The following ASTN1 variants were observed in gnomAD, a reference collection of about 807,000 sequenced individuals.
ASTN1 encodes the protein astrotactin-1.
In ASTN1, 41 loss-of-function variants were observed where a neutral mutation model predicts 140.7. The ratio of observed to expected loss-of-function variants is 0.29; its 90% CI spans 0.23 to 0.38. The LOEUF (loss-of-function observed/expected upper bound fraction) is 0.38, where lower values mean the gene tolerates loss of function less well. Ranked by LOEUF, ASTN1 falls within the 10% of genes least tolerant of loss-of-function variation. The probability of loss-of-function intolerance (pLI) is 1.00; values close to 1 mark genes in which losing one functional copy is unlikely to be tolerated. For synonymous variants in ASTN1, 640 were observed against 652.2 expected (o/e 0.98, Z 0.29); for missense variants, 1,479 against 1,678.8 (o/e 0.88, Z 2.08).
chr1:177,006,416 A>C (rs1674999974), intron 8 of ASTN1, among the ~76,000 whole-genome samples: 1 of 151,666 alleles, frequency 6.6e-6, no homozygotes, highest in Admixed American at 6.6e-5. Context: ...AAAAAAAAAA[A>C]GATAAATAGC....
chr1:176,963,437 G>A (rs535410545), intron 9 of ASTN1, among the ~76,000 whole-genome samples: 1 of 152,158 alleles, frequency 6.6e-6, no homozygotes, highest in South Asian at 2.1e-4. Context: ...TTTCATTTGA[G>A]AGGCTAGTTA....
intron 1 of ASTN1, among the ~76,000 whole-genome samples, chr1:177,085,607 A>G (rs1458712168): frequency 6.6e-6 from 1 of 152,050 alleles, no homozygotes; most frequent in Non-Finnish European, 1.5e-5. Context: ...ATCTGAGTGA[A>G]CCTCAGATCT....
intron 16 of ASTN1, among the ~76,000 whole-genome samples, chr1:176,911,841 T>C (rs924448988): frequency 2.6e-5 from 4 of 152,246 alleles, no homozygotes; most frequent in Admixed American, 6.5e-5. Context: ...TATTACGTAC[T>C]GTACATAATT....
chr1:176,859,321 G>T (rs1317040894), downstream of ASTN1, among the ~76,000 whole-genome samples: 1 of 152,120 alleles, frequency 6.6e-6, no homozygotes, highest in East Asian at 1.9e-4. Context: ...CCTCCATGGA[G>T]GCAGAGACCC....
In ASTN1 at chr1:177,082,617, C is replaced by T. The variant is rs541944788; in HGVS notation, c.284-21352G>A. On this transcript the variant is annotated intron_variant, in intron 1 of 22. Coordinates refer to ENST00000361833, the MANE Select transcript of ASTN1 (RefSeq NM_004319.3). ...GTCTCAGCGCCAGGATGTGGCCCTT[C>T]GCATGCCTTCAAAGAAGCCACAATA... Among the ~76,000 whole-genome samples the T allele has an allele frequency of 7.2e-5, 11 of 152,288 alleles. No individual in the cohort carries two copies. In the South Asian group the frequency reaches 1.2e-3, roughly 17 times the overall value.
chr1:176,965,283 T>G (rs776830152), intron 8 of ASTN1, 46 bp from the exon 9 acceptor site: 1 of 1,591,310 alleles, frequency 6.3e-7, no homozygotes, highest in South Asian at 1.1e-5. Context: ...CAACAAATAC[T>G]CACTGAACAC....
At chr1:176,966,018 C>T (rs141712052) in intron 8 of ASTN1, among the ~76,000 whole-genome samples, 2 of 152,224 alleles carry the variant, frequency 1.3e-5, no homozygotes, top group East Asian at 3.9e-4. Context: ...TTCACTAACC[C>T]AGATCTCTAA....
In ASTN1 at chr1:176,868,891, C is replaced by A; in HGVS notation, c.3600G>T (p.Glu1200Asp). 1 of 1,609,986 alleles carries A rather than the reference C, an allele frequency of 6.2e-7. No individual in the cohort carries two copies. Among genetic ancestry groups the A allele is most frequent in the Non-Finnish European group, 8.5e-7 (1 of 1,177,382 alleles). ...ATCGCCAGGTGAATTCCCCAAAACT[C>A]TCATAGTGCTGGTTATAGTGGTAGA... ...RVLYHYNQHY[E>D]SFGEFTWRCE... Residue 1200 changes from glutamate to aspartate, a missense_variant, in exon 22 of 23, where the codon GAG becomes GAT. Physicochemically the swap from Glu to Asp is conservative, Grantham distance 45. Coordinates refer to ENST00000361833, the MANE Select transcript of ASTN1 (RefSeq NM_004319.3).
intron 8 of ASTN1, among the ~76,000 whole-genome samples, chr1:176,991,012 G>A (rs1355460494): frequency 6.6e-6 from 1 of 152,102 alleles, no homozygotes; most frequent in African/African-American, 2.4e-5. Context: ...CTCCCTGTAA[G>A]CCAATCCCTT....
chr1:176,863,891 T>TTGCAATGGATTTAGGAAC lies in ASTN1; in HGVS notation c.*375_*392dup. 9.9e-7 allele frequency: 1 copy of TTGCAATGGATTTAGGAAC among 1,014,992 alleles called. No homozygotes were observed. Among genetic ancestry groups the TTGCAATGGATTTAGGAAC allele is most frequent in the South Asian group, 4.0e-5 (1 of 25,202 alleles). The allele number at this position is 1,014,992 out of a possible 1,614,324, so 62.9% of individuals were successfully genotyped here. ...TTTCTGGCCTCACCTCTGCTCCCAG[T>TTGCAATGGATTTAGGAAC]TGCAATGGATTTAGGAACTGAGTGA... On this transcript the variant is annotated 3_prime_UTR_variant, in exon 23 of 23. Coordinates refer to ENST00000361833, the MANE Select transcript of ASTN1 (RefSeq NM_004319.3).
intron 9 of ASTN1, among the ~76,000 whole-genome samples, chr1:176,963,573 T>C (rs1672756485): frequency 6.6e-6 from 1 of 152,174 alleles, no homozygotes; most frequent in Non-Finnish European, 1.5e-5. Context: ...AAACATCCGG[T>C]TGGCAGCCAG....
Position 176,863,726 on chromosome 1 carries a change from G to T in ASTN1, c.*558C>A. On this transcript the variant is annotated 3_prime_UTR_variant, in exon 23 of 23. Transcript: ENST00000361833. ...ATGGAAATAGTGATAGCAAGGCCTAGGAAGAAAACCAGGAGACACAGACAA... is the reference window on the plus strand; with the variant it reads ...ATGGAAATAGTGATAGCAAGGCCTATGAAGAAAACCAGGAGACACAGACAA... 1.0e-6 allele frequency: 1 copy of T among 986,786 alleles called. No homozygotes were observed. The allele number at this position is 986,786 out of a possible 1,614,324, so 61.1% of individuals were successfully genotyped here.
At chr1:176,964,392 T>C (rs1672787181) in intron 9 of ASTN1, among the ~76,000 whole-genome samples, 1 of 152,204 alleles carries the variant, frequency 6.6e-6, no homozygotes, top group Admixed American at 6.5e-5. Flanking sequence ...GCCAAGCACT[T>C]AGAAGGAACT....
intron 8 of ASTN1, among the ~76,000 whole-genome samples, chr1:176,969,320 TGGTGGAGATGG>T (rs1673030680): frequency 6.6e-6 from 1 of 152,080 alleles, no homozygotes. Flanking sequence ...CTAAGACACA[TGGTGGAGATGG>T]CCCCTAGCCG....
intron 17 of ASTN1, among the ~76,000 whole-genome samples, chr1:176,894,124 T>C (rs1419569580): frequency 1.3e-5 from 2 of 152,192 alleles, no homozygotes; most frequent in Admixed American, 6.5e-5. Context: ...GTGCCTGATA[T>C]GCTCCTTCTA....
intron 2 of ASTN1, among the ~76,000 whole-genome samples, chr1:177,053,170 G>A (rs1274717952): frequency 6.6e-6 from 1 of 152,152 alleles, no homozygotes; most frequent in Non-Finnish European, 1.5e-5. Flanking sequence ...TATGACTCCT[G>A]CTTTCAAAAG....
intron 8 of ASTN1, among the ~76,000 whole-genome samples, chr1:177,011,228 T>A (rs748541702): frequency 1.2e-4 from 18 of 152,224 alleles, no homozygotes; most frequent in Non-Finnish European, 2.5e-4. Flanking sequence ...AGTAGAACAG[T>A]TCACAATCCA....
chr1:176,860,590 T>C (rs992124994), downstream of ASTN1, among the ~76,000 whole-genome samples: 1 of 152,104 alleles, frequency 6.6e-6, no homozygotes, highest in African/African-American at 2.4e-5. Flanking sequence ...GGAATGTGTC[T>C]GGGAGGGCCT....
At chr1:177,054,398 A>C (rs1157424576) in intron 2 of ASTN1, among the ~76,000 whole-genome samples, 2 of 152,216 alleles carry the variant, frequency 1.3e-5, no homozygotes, top group Non-Finnish European at 2.9e-5. Flanking sequence ...ACATCTCCTA[A>C]CATCTCTATA....
Sources: allele counts gnomAD v4.1 joint callset (sites outside exome capture counted in the v4.1 genomes callset), GRCh38; gene constraint gnomAD v4.1.1; transcripts MANE v1.5; gene names NCBI Gene and HGNC (gene_info 2026-07-23, HGNC 2026-07-21).